The following NNMT variants were observed in gnomAD, a reference collection of about 807,000 sequenced individuals.
NNMT encodes the protein nicotinamide N-methyltransferase.
A neutral mutation model predicts 11.7 loss-of-function variants in NNMT; 10 were observed. The observed-to-expected ratio is 0.85, with a 90% confidence interval of 0.53 to 1.45. The LOEUF (loss-of-function observed/expected upper bound fraction) is 1.45, where lower values mean the gene tolerates loss of function less well. Among genes scored for constraint, NNMT ranks in the 40% most tolerant of loss-of-function variants. The pLI, the probability that NNMT is intolerant of heterozygous loss-of-function variation, is 0.00. For missense variants in NNMT, 381 were observed against 319.4 expected, an observed-to-expected ratio of 1.19 and a Z score of -1.47; for synonymous variants, 143 against 133.8, an observed-to-expected ratio of 1.07 and a Z score of -0.48.
chr11:114,287,092 A>G lies in NNMT; in HGVS notation c.-129-9336A>G, dbSNP rs946977734. Among the ~76,000 whole-genome samples, 27 of 152,036 alleles carry G rather than the reference A, an allele frequency of 1.8e-4. 1 individual carries two copies. Among genetic ancestry groups the G allele is most frequent in the Admixed American group, 1.4e-3 (22 of 15,264 alleles). On this transcript the variant is annotated intron_variant, in intron 2 of 4. Coordinates refer to the NNMT transcript ENST00000535401. The stretch of plus-strand genomic sequence containing the variant: ...CAAGTTTTTTGTTTTCTTTATTTTC[A>G]TATTGATTCACAGAAGTTCTTTGTA...
intron 2 of NNMT, among the ~76,000 whole-genome samples, chr11:114,306,157 G>A (rs1439319924): frequency 1.3e-5 from 2 of 152,188 alleles, no homozygotes; most frequent in African/African-American, 4.8e-5. Flanking sequence ...CTTTTGAGAA[G>A]TGTCTGTTCA....
At chr11:114,284,158 C>T (rs1483571217) in intron 2 of NNMT, among the ~76,000 whole-genome samples, 2 of 152,214 alleles carry the variant, frequency 1.3e-5, no homozygotes, top group Non-Finnish European at 2.9e-5. Flanking sequence ...TCAGCTTTTG[C>T]CAGCAGGATA....
chr11:114,275,692 G>A (rs976589145), intron 2 of NNMT, among the ~76,000 whole-genome samples: 10 of 152,134 alleles, frequency 6.6e-5, no homozygotes, highest in African/African-American at 2.4e-4. Context: ...TATCTTGCGA[G>A]TGTGTGTATG....
At chr11:114,309,902 T>C (rs1032551420) in intron 2 of NNMT, among the ~76,000 whole-genome samples, 3 of 152,204 alleles carry the variant, frequency 2.0e-5, no homozygotes, top group Non-Finnish European at 4.4e-5. Context: ...GGTTCTGGCT[T>C]TTTTCATTTA....
chr11:114,274,411 C>T (rs1392946350), intron 2 of NNMT, among the ~76,000 whole-genome samples: 1 of 152,240 alleles, frequency 6.6e-6, no homozygotes, highest in Non-Finnish European at 1.5e-5. Context: ...TGTCCTGGAG[C>T]TGAACAGGTA....
At chr11:114,306,283 C>G in intron 2 of NNMT, among the ~76,000 whole-genome samples, 1 of 152,160 alleles carries the variant, frequency 6.6e-6, no homozygotes, top group East Asian at 1.9e-4. Flanking sequence ...TAAAATTTCT[C>G]TCCCATTCTG....
At chr11:114,275,589 G>A (rs1438368257) in intron 2 of NNMT, among the ~76,000 whole-genome samples, 1 of 152,174 alleles carries the variant, frequency 6.6e-6, no homozygotes, top group Non-Finnish European at 1.5e-5. Flanking sequence ...ATCTGTAAAA[G>A]GAGTGACCTG....
rs1173749746 is a variant in NNMT, at chr11:114,297,042, T to G, written c.154+332T>G. Among the ~76,000 whole-genome samples the G allele has an allele frequency of 3.3e-5, 5 of 152,224 alleles. No homozygotes were observed. In the East Asian group the frequency reaches 9.6e-4, roughly 29 times the overall value. On this transcript the variant is annotated intron_variant, in intron 1 of 2. Transcript: ENST00000299964. Reference sequence around the variant, plus strand: ...TCTAAAACAGTACCTATTCTGATCCTAACTCAAGGGAATGCTGTGAATATG... The same window carrying G: ...TCTAAAACAGTACCTATTCTGATCCGAACTCAAGGGAATGCTGTGAATATG...
chr11:114,305,850 T>C (rs1042144199), intron 2 of NNMT, among the ~76,000 whole-genome samples: 2 of 152,216 alleles, frequency 1.3e-5, no homozygotes, highest in Non-Finnish European at 2.9e-5. Context: ...TTATAATCCT[T>C]TGGGTATATA....
chr11:114,263,597 C>G (rs966197672), intron 2 of NNMT, among the ~76,000 whole-genome samples: 1 of 152,236 alleles, frequency 6.6e-6, no homozygotes, highest in Non-Finnish European at 1.5e-5. Context: ...ATGGCACCAG[C>G]TCAACCACCT....
intron 2 of NNMT, among the ~76,000 whole-genome samples, chr11:114,309,578 C>CCT (rs1404329656): frequency 7.2e-4 from 58 of 80,954 alleles, no homozygotes; most frequent in African/African-American, 1.6e-3. Context: ...TTGCTAAGCT[C>CCT]ATCTCTCTCT....
chr11:114,290,675 C>T (rs533208383), intron 2 of NNMT, among the ~76,000 whole-genome samples: 34 of 152,312 alleles, frequency 2.2e-4, no homozygotes, highest in African/African-American at 7.9e-4. Context: ...TTCATTCCTT[C>T]TTGCATTTCA....
intron 2 of NNMT, chr11:114,269,561 C>T (rs1282955364): frequency 1.3e-5 from 2 of 152,242 alleles, no homozygotes; most frequent in Non-Finnish European, 2.9e-5. Context: ...ATAAATTTGA[C>T]TTGTTTTGGC....
chr11:114,310,235 T>G (rs540775418), intron 2 of NNMT, among the ~76,000 whole-genome samples: 10 of 152,360 alleles, frequency 6.6e-5, no homozygotes, highest in Admixed American at 2.6e-4. Flanking sequence ...GCAGTGTATG[T>G]AGGTTCCAGT....
At chr11:114,288,317 C>T (rs186440500) in intron 2 of NNMT, among the ~76,000 whole-genome samples, 151 of 152,148 alleles carry the variant, frequency 9.9e-4, no homozygotes, top group African/African-American at 3.2e-3. Context: ...AATGGGTCAT[C>T]GGGAAGAGTG....
intron 2 of NNMT, among the ~76,000 whole-genome samples, chr11:114,266,008 C>A (rs560190002): frequency 1.3e-5 from 2 of 152,242 alleles, no homozygotes; most frequent in South Asian, 4.1e-4. Context: ...GCCTTTAATG[C>A]TTGAAGCCTT....
chr11:114,303,735 T>C (rs1048586439), intron 2 of NNMT, among the ~76,000 whole-genome samples: 1 of 152,224 alleles, frequency 6.6e-6, no homozygotes, highest in South Asian at 2.1e-4. Flanking sequence ...CTATTTTTTT[T>C]AGACAGGGTC....
chr11:114,259,846 G>A (rs986650637), intron 1 of NNMT, among the ~76,000 whole-genome samples: 2 of 152,104 alleles, frequency 1.3e-5, no homozygotes, highest in Admixed American at 6.5e-5. Context: ...GCCACGCTGC[G>A]TTCAGCCGCT....
chr11:114,298,953 C>T (rs1255336484), intron 2 of NNMT, among the ~76,000 whole-genome samples: 1 of 152,336 alleles, frequency 6.6e-6, no homozygotes, highest in East Asian at 1.9e-4. Flanking sequence ...GTCTGTTCCC[C>T]AACTGACCAT....
Sources: gnomAD v4.1 joint callset for allele counts (sites outside exome capture counted in the v4.1 genomes callset) on GRCh38, gnomAD v4.1.1 for gene constraint, MANE v1.5 for transcripts, NCBI Gene and HGNC (gene_info 2026-07-23, HGNC 2026-07-21) for gene names.